Variants in CHID1 observed in about 807,000 individuals in gnomAD.
CHID1 encodes the protein chitinase domain containing 1.
Under a neutral mutation model 55.4 loss-of-function variants are expected in CHID1, and 44 were observed. The observed-to-expected ratio is 0.79, with a 90% confidence interval of 0.62 to 1.02. The LOEUF is 1.02. CHID1 is among the 50% of genes least tolerant of loss of function. CHID1 has a pLI of 0.00. For synonymous variants in CHID1, 216 were observed against 212.9 expected (o/e 1.01, Z -0.13); for missense variants, 491 against 515.3 (o/e 0.95, Z 0.46).
rs1309272820 is a variant in CHID1 at position 868,496 on chromosome 11, T to C, written c.*1362A>G. On this transcript the variant is annotated 3_prime_UTR_variant, in exon 13 of 13. Coordinates refer to ENST00000323578, the MANE Select transcript of CHID1 (RefSeq NM_023947.4). ...TTCCAAAGTACTGGGATTACAGGCA[T>C]GAACCGCCGCACACACCACTTGTAT... 1 of 152,036 alleles carries C rather than the reference T, an allele frequency of 6.6e-6. No homozygotes were observed. The highest frequency in any genetic ancestry group is 2.4e-5 in the African/African-American group (1 of 41,372). The allele number at this position is 152,036 out of a possible 1,614,324, so 9.4% of individuals were successfully genotyped here.
chr11:870,102 C>T lies in CHID1; in HGVS notation c.1083+19G>A, dbSNP rs759497130. 4.0e-5 allele frequency: 65 copies of T among 1,612,794 alleles called. No individual in the cohort carries two copies. The highest frequency in any genetic ancestry group is 2.7e-4 in the South Asian group (25 of 91,094). ...ATGGCCCACCCCTCCCCCGGTCCCA[C>T]GGCTGGCAGCACACGCACCTTCAGG... On this transcript the variant is annotated intron_variant, in intron 12 of 12. Coordinates refer to ENST00000323578, the MANE Select transcript of CHID1 (RefSeq NM_023947.4).
chr11:894,997 TG>T (rs1851155744), intron 7 of CHID1, among the ~76,000 whole-genome samples: 1 of 152,176 alleles, frequency 6.6e-6, no homozygotes, highest in African/African-American at 2.4e-5. Flanking sequence ...GCAGTGTCTT[TG>T]GGCAGCCCGT....
intron 8 of CHID1, among the ~76,000 whole-genome samples, chr11:891,322 C>T (rs1223653089): frequency 6.6e-6 from 1 of 152,196 alleles, no homozygotes; most frequent in Admixed American, 6.5e-5. Context: ...CCGCCCCCAG[C>T]CTCGTCACCG....
intron 1 of CHID1, among the ~76,000 whole-genome samples, chr11:907,097 TCTTTTA>T (rs1221822622): frequency 6.6e-6 from 1 of 152,220 alleles, no homozygotes; most frequent in Non-Finnish European, 1.5e-5. Context: ...TTGTTTCTTC[TCTTTTA>T]CTTTATCTGT....
chr11:888,068 G>A lies in CHID1; in HGVS notation c.702-3899C>T, dbSNP rs75281076. Among the ~76,000 whole-genome samples, 65 of 152,378 alleles carry A rather than the reference G, an allele frequency of 4.3e-4. No homozygotes were observed. The East Asian group carries it at 0.012, about 28-fold the overall frequency. On this transcript the variant is annotated intron_variant, in intron 8 of 12. Coordinates refer to ENST00000323578, the MANE Select transcript of CHID1 (RefSeq NM_023947.4). ...GCTCCACACCACGCCCCTCAGTGCA[G>A]CATGCTGACATGTGACATGCCTGTG...
intron 7 of CHID1, among the ~76,000 whole-genome samples, 192 bp downstream of exon 7, chr11:899,148 G>A (rs968768431): frequency 2.5e-4 from 38 of 152,328 alleles, no homozygotes; most frequent in African/African-American, 8.2e-4. Flanking sequence ...TTTTCTGTTC[G>A]GAGCCGGCTG....
upstream of CHID1, chr11:914,790 G>C (rs1356830573): frequency 2.9e-6 from 1 of 346,152 alleles, no homozygotes; most frequent in Non-Finnish European, 5.7e-6. Flanking sequence ...CTTTGGGGCT[G>C]GGTTTGTGTC....
chr11:898,638 T>C (rs1851568461), intron 7 of CHID1, among the ~76,000 whole-genome samples: 1 of 152,190 alleles, frequency 6.6e-6, no homozygotes, highest in Non-Finnish European at 1.5e-5. Context: ...GCAGGGCTGC[T>C]TGGGCAGGAC....
chr11:891,627 A>C (rs1455957246), intron 8 of CHID1, among the ~76,000 whole-genome samples: 1 of 152,132 alleles, frequency 6.6e-6, no homozygotes, highest in Non-Finnish European at 1.5e-5. Context: ...AGCCCCATGA[A>C]ATCAGTGCCT....
rs1374212569 is a variant in CHID1 at position 868,427 on chromosome 11, G to A, written c.*1431C>T. 1.3e-5 allele frequency: 2 copies of A among 152,180 alleles called. No individual in the cohort carries two copies. The highest frequency in any genetic ancestry group is 6.6e-5 in the Admixed American group (1 of 15,266). 9.4% of individuals were successfully genotyped at this position (152,180 alleles called of 1,614,324 possible). A position where few individuals can be genotyped will look rare whatever the true frequency, so the allele number is the denominator to read the frequency against. On this transcript the variant is annotated 3_prime_UTR_variant, in exon 13 of 13. Transcript: ENST00000323578. ...AATTTTTCTATTTTTAGGGGGTAGAGACGGGGTTTCACCATGTTGCCCAGC... is the reference window on the plus strand; with the variant it reads ...AATTTTTCTATTTTTAGGGGGTAGAAACGGGGTTTCACCATGTTGCCCAGC...
At chr11:911,441 C>G (rs895410630), upstream of CHID1, 10 of 152,200 alleles carry the variant, frequency 6.6e-5, no homozygotes, top group African/African-American at 2.4e-4. Context: ...GTGGCCAGCA[C>G]TTTTGAGTCA....
In CHID1 at chr11:875,380, C is replaced by T. The variant is rs1043731915; in HGVS notation, c.960-4881G>A. 3.3e-5 allele frequency among the ~76,000 whole-genome samples: 5 copies of T among 152,220 alleles called. No individual in the cohort carries two copies. The highest frequency in any genetic ancestry group is 1.2e-4 in the African/African-American group (5 of 41,454). ...ACCGTCTCCCGCTCGGGGAGGCGGG[C>T]GTGGCTGGGCCCGCAGGTAATGCCA... On this transcript the variant is annotated intron_variant, in intron 10 of 12. Coordinates refer to ENST00000323578, the MANE Select transcript of CHID1 (RefSeq NM_023947.4). The surrounding 1 kb of genome is among the most constrained non-coding windows in gnomAD (Gnocchi z 4.7).
At chr11:883,327 T>C in intron 9 of CHID1, 24 bp from the exon 10 acceptor site, 3 of 1,595,174 alleles carry the variant, frequency 1.9e-6, no homozygotes, top group Non-Finnish European at 2.6e-6. Context: ...GGTGAGCGAG[T>C]TTCAGCAACA....
intron 10 of CHID1, among the ~76,000 whole-genome samples, chr11:872,925 G>A (rs997581573): frequency 3.3e-5 from 5 of 152,188 alleles, no homozygotes; most frequent in Admixed American, 3.3e-4. Flanking sequence ...GGGTGGCCAG[G>A]ACCCCTGAGA....
intron 1 of CHID1, chr11:908,760 T>A: frequency 4.5e-6 from 1 of 223,610 alleles, no homozygotes; most frequent in Non-Finnish European, 7.5e-6. Context: ...ACTATAGGGC[T>A]GGGTCTCTGC....
chr11:905,840 T>C (rs1273869997), intron 1 of CHID1, among the ~76,000 whole-genome samples: 1 of 151,986 alleles, frequency 6.6e-6, no homozygotes, highest in East Asian at 1.9e-4. Context: ...GGAAAGAAAA[T>C]ACCACTGGAG....
At position 869,084 on chromosome 11, in the gene CHID1, A is replaced by G. The variant is rs923226756; in HGVS notation, c.*774T>C. On this transcript the variant is annotated 3_prime_UTR_variant, in exon 13 of 13. Transcript: ENST00000323578. ...CACCGCTGCATGGCAGGGTGGGTGT[A>G]GCCTGCCAGCCACATGTCCTCTGCC... The G allele has an allele frequency of 2.0e-5, 3 of 152,292 alleles. No individual in the cohort carries two copies. Among genetic ancestry groups the G allele is most frequent in the South Asian group, 2.1e-4 (1 of 4,828 alleles). The allele number at this position is 152,292 out of a possible 1,614,324, so 9.4% of individuals were successfully genotyped here. A position where few individuals can be genotyped will look rare whatever the true frequency, so the allele number is the denominator to read the frequency against.
chr11:881,117 C>T (rs7107156), intron 10 of CHID1, among the ~76,000 whole-genome samples: 82,971 of 151,862 alleles, frequency 0.55, 23,221 homozygotes, highest in South Asian at 0.77. Context: ...ACATGGAAGA[C>T]GTAAAGGGGA....
At chr11:904,173 T>C (rs1027259977) in intron 2 of CHID1, among the ~76,000 whole-genome samples, 4 of 152,188 alleles carry the variant, frequency 2.6e-5, no homozygotes, top group Non-Finnish European at 5.9e-5. Context: ...TTTGCCCCCA[T>C]ACAGCACAGA....
Sources: allele counts gnomAD v4.1 joint callset (sites outside exome capture counted in the v4.1 genomes callset), GRCh38; gene constraint gnomAD v4.1.1; non-coding constraint Gnocchi (gnomAD v3.1); transcripts MANE v1.5; gene names NCBI Gene and HGNC (gene_info 2026-07-23, HGNC 2026-07-21).